CCNY: variants seen among roughly 807,000 people sequenced by gnomAD.
CCNY encodes cyclin Y, also known as cyclin-Y.
A neutral mutation model predicts 42.8 loss-of-function variants in CCNY; 19 were observed. The observed-to-expected ratio is 0.44, with a 90% CI of 0.31 to 0.65. The LOEUF is 0.65. CCNY is among the 30% of genes least tolerant of loss of function. CCNY has a pLI of 0.07. For synonymous variants in CCNY, 165 were observed against 162.7 expected (o/e 1.01, Z -0.11); for missense variants, 370 against 437.3 (o/e 0.85, Z 1.37).
intron 1 of CCNY, among the ~76,000 whole-genome samples, chr10:35,345,479 A>C (rs571401063): frequency 1.6e-4 from 24 of 152,188 alleles, no homozygotes; most frequent in African/African-American, 4.8e-4. Flanking sequence ...AAAAAAAAAA[A>C]AAAACTGACT....
At chr10:35,534,972 C>CACAT (rs1321712238) in intron 7 of CCNY, among the ~76,000 whole-genome samples, 1 of 140,048 alleles carries the variant, frequency 7.1e-6, no homozygotes, top group Non-Finnish European at 1.5e-5. Context: ...CACACACACA[C>CACAT]ACATATATAT....
intron 1 of CCNY, among the ~76,000 whole-genome samples, chr10:35,389,351 G>A (rs954060213): frequency 6.6e-6 from 1 of 151,878 alleles, no homozygotes; most frequent in African/African-American, 2.4e-5. Flanking sequence ...GTACATATAT[G>A]GTGCTTAGTA....
intron 3 of CCNY, among the ~76,000 whole-genome samples, chr10:35,506,717 C>G (rs1034503162): frequency 6.6e-6 from 1 of 151,912 alleles, no homozygotes; most frequent in Admixed American, 6.6e-5. Context: ...CTACATTGTC[C>G]TTGTTAAGAC....
intron 3 of CCNY, among the ~76,000 whole-genome samples, chr10:35,311,660 A>G (rs1335009372): frequency 6.6e-6 from 1 of 152,138 alleles, no homozygotes; most frequent in Non-Finnish European, 1.5e-5. Flanking sequence ...TCTGGGCAAC[A>G]GAGGGAGACC....
intron 3 of CCNY, among the ~76,000 whole-genome samples, chr10:35,271,021 G>A (rs948965025): frequency 2.6e-5 from 4 of 152,168 alleles, no homozygotes; most frequent in East Asian, 1.9e-4. Context: ...CACCAAGCTT[G>A]GCCTTGGTAT....
At chr10:35,411,193 GT>G (rs1441423784) in intron 1 of CCNY, among the ~76,000 whole-genome samples, 1 of 152,122 alleles carries the variant, frequency 6.6e-6, no homozygotes, top group African/African-American at 2.4e-5. Context: ...ATGGTTGAGG[GT>G]TTAAGTGATC....
chr10:35,562,173 G>T (rs1368548238), intron 8 of CCNY, among the ~76,000 whole-genome samples: 1 of 152,174 alleles, frequency 6.6e-6, no homozygotes, highest in Non-Finnish European at 1.5e-5. Context: ...TCATTTTCAT[G>T]TGTAGACAAA....
intron 3 of CCNY, among the ~76,000 whole-genome samples, chr10:35,251,554 C>T (rs1278988647): frequency 1.3e-5 from 2 of 150,386 alleles, no homozygotes; most frequent in Non-Finnish European, 2.9e-5. Context: ...TCATACTTAA[C>T]CAAACTTTCC....
chr10:35,448,199 T>A (rs1838834073), intron 1 of CCNY, among the ~76,000 whole-genome samples: 2 of 152,190 alleles, frequency 1.3e-5, no homozygotes, highest in Admixed American at 1.3e-4. Context: ...GTTCTTTAAC[T>A]CATTCAACAA....
At chr10:35,467,425 C>T (rs918921853) in intron 1 of CCNY, among the ~76,000 whole-genome samples, 1 of 152,152 alleles carries the variant, frequency 6.6e-6, no homozygotes, top group Admixed American at 6.5e-5. Flanking sequence ...TGACATGTGA[C>T]AACTCCACAC....
chr10:35,379,370 A>G (rs1307865833), intron 1 of CCNY, among the ~76,000 whole-genome samples: 1 of 152,158 alleles, frequency 6.6e-6, no homozygotes, highest in Non-Finnish European at 1.5e-5. Context: ...GCTTGCCCAG[A>G]TGGGGGCAGA....
intron 3 of CCNY, among the ~76,000 whole-genome samples, chr10:35,263,123 G>A (rs1263894477): frequency 6.6e-6 from 1 of 152,040 alleles, no homozygotes; most frequent in African/African-American, 2.4e-5. Flanking sequence ...TTGGGAGGGC[G>A]AGGTGGGTGG....
intron 1 of CCNY, among the ~76,000 whole-genome samples, chr10:35,446,213 T>C (rs959791087): frequency 1.3e-5 from 2 of 152,256 alleles, no homozygotes; most frequent in Non-Finnish European, 2.9e-5. Flanking sequence ...AAATGATGGC[T>C]ATTTCAGCCT....
At chr10:35,345,500 A>G (rs1273130462) in intron 1 of CCNY, among the ~76,000 whole-genome samples, 1 of 151,724 alleles carries the variant, frequency 6.6e-6, no homozygotes, top group Non-Finnish European at 1.5e-5. Flanking sequence ...CGCCTTACAC[A>G]TTGAGGTAGT....
At chr10:35,290,763 A>ATTGTG in intron 3 of CCNY, among the ~76,000 whole-genome samples, 1 of 152,112 alleles carries the variant, frequency 6.6e-6, no homozygotes, top group Non-Finnish European at 1.5e-5. Flanking sequence ...GGAGTTCGAA[A>ATTGTG]CCAGCATGGG....
chr10:35,484,364 A>G (rs1005568671), intron 2 of CCNY, among the ~76,000 whole-genome samples: 6 of 152,204 alleles, frequency 3.9e-5, no homozygotes, highest in Admixed American at 3.3e-4. Flanking sequence ...ATTAGGTAAC[A>G]ATTTTGGCAA....
rs557795742 is a variant in CCNY, at chr10:35,565,149, A to G, written c.747-874A>G. Among the ~76,000 whole-genome samples, 93 of 152,342 alleles carry G rather than the reference A, an allele frequency of 6.1e-4. 1 individual carries two copies. The highest frequency in any genetic ancestry group is 2.1e-3 in the African/African-American group (88 of 41,580). The stretch of plus-strand genomic sequence containing the variant: ...CCTAATTTGAAAGATAGCTGACATG[A>G]GAAGTTCTTAAAGTAGAAGTTTTTG... On this transcript the variant is annotated intron_variant, in intron 8 of 9. Transcript: ENST00000374704.
intron 3 of CCNY, among the ~76,000 whole-genome samples, chr10:35,262,454 G>A (rs372272732): frequency 8.6e-5 from 13 of 151,574 alleles, no homozygotes; most frequent in Middle Eastern, 3.4e-3. Flanking sequence ...TGACTCCTGG[G>A]TTCAAGCAAT....
At chr10:35,552,178 A>G (rs1441949795) in intron 7 of CCNY, among the ~76,000 whole-genome samples, 2 of 152,212 alleles carry the variant, frequency 1.3e-5, no homozygotes, top group East Asian at 1.9e-4. Context: ...ACAGCTGAAT[A>G]TTATTCAGCC....
Sources: gnomAD v4.1 joint callset for allele counts (sites outside exome capture counted in the v4.1 genomes callset) on GRCh38, gnomAD v4.1.1 for gene constraint, MANE v1.5 for transcripts, NCBI Gene and HGNC (gene_info 2026-07-23, HGNC 2026-07-21) for gene names.